PTPN3: variants seen among roughly 807,000 people sequenced by gnomAD.
PTPN3 encodes protein tyrosine phosphatase non-receptor type 3, also known as tyrosine-protein phosphatase non-receptor type 3.
A neutral mutation model predicts 132.7 loss-of-function variants in PTPN3; 96 were observed. The ratio of observed to expected loss-of-function variants is 0.72; its 90% CI spans 0.61 to 0.86. The LOEUF (loss-of-function observed/expected upper bound fraction) is 0.86. Ranked by LOEUF, PTPN3 falls within the 40% of genes least tolerant of loss-of-function variation. The probability of loss-of-function intolerance (pLI) is 0.00; values close to 1 mark genes in which losing one functional copy is unlikely to be tolerated. For synonymous variants in PTPN3, 398 were observed against 429.0 expected, an observed-to-expected ratio of 0.93 and a Z score of 0.89; for missense variants, 1,125 against 1,159.6, an observed-to-expected ratio of 0.97 and a Z score of 0.43.
At chr9:109,394,250 A>G (rs1310686782) in intron 19 of PTPN3, among the ~76,000 whole-genome samples, 1 of 152,248 alleles carries the variant, frequency 6.6e-6, no homozygotes, top group Non-Finnish European at 1.5e-5. Context: ...TGGGAAAAAG[A>G]GATTTTTTTT....
chr9:109,493,875 G>A (rs1001522104), intron 1 of PTPN3, among the ~76,000 whole-genome samples: 1 of 152,206 alleles, frequency 6.6e-6, no homozygotes, highest in Non-Finnish European at 1.5e-5. Context: ...CCACCTACTT[G>A]TACCTGGGAG....
intron 9 of PTPN3, among the ~76,000 whole-genome samples, chr9:109,436,340 T>C (rs1485533316): frequency 2.0e-5 from 3 of 152,230 alleles, no homozygotes; most frequent in African/African-American, 7.2e-5. Flanking sequence ...CATATGGAAC[T>C]CATGGTATTA....
chr9:109,468,037 G>A (rs1287578185), intron 1 of PTPN3, among the ~76,000 whole-genome samples: 1 of 152,210 alleles, frequency 6.6e-6, no homozygotes, highest in African/African-American at 2.4e-5. Context: ...GAGCCATGTG[G>A]TATTTTCAGA....
At chr9:109,408,759 G>T (rs1841780025) in intron 16 of PTPN3, among the ~76,000 whole-genome samples, 1 of 126,778 alleles carries the variant, frequency 7.9e-6, no homozygotes, top group Non-Finnish European at 1.6e-5. Context: ...TTGTGCACAT[G>T]TACCCTAGAA....
intron 22 of PTPN3, among the ~76,000 whole-genome samples, chr9:109,384,445 G>A (rs1254959431): frequency 1.3e-5 from 2 of 152,184 alleles, no homozygotes; most frequent in African/African-American, 4.8e-5. Context: ...TCACAGTGAT[G>A]CAGTCCAGCA....
the PTPN3 span, chr9:109,534,307 T>C: frequency 6.5e-7 from 1 of 1,528,428 alleles, no homozygotes; most frequent in South Asian, 1.2e-5. Flanking sequence ...GGCGGGCGGC[T>C]GCTGGGTCTC....
intron 19 of PTPN3, among the ~76,000 whole-genome samples, chr9:109,394,711 AAC>A (rs879439264): frequency 2.6e-5 from 4 of 152,244 alleles, no homozygotes; most frequent in Non-Finnish European, 5.9e-5. Context: ...ATATAGTAGC[AAC>A]ACACACAGTG....
chr9:109,388,217 C>T (rs887276946), intron 22 of PTPN3, among the ~76,000 whole-genome samples: 11 of 152,082 alleles, frequency 7.2e-5, no homozygotes, highest in African/African-American at 2.4e-4. Context: ...GTGATGTGGA[C>T]GGGTTAGGGC....
chr9:109,513,449 C>A, the PTPN3 span, among the ~76,000 whole-genome samples: 1 of 152,190 alleles, frequency 6.6e-6, no homozygotes, highest in Non-Finnish European at 1.5e-5. Flanking sequence ...AGACATTTAT[C>A]CTGTTCCCCC....
chr9:109,452,923 T>C (rs553426151), intron 5 of PTPN3, among the ~76,000 whole-genome samples: 3 of 152,176 alleles, frequency 2.0e-5, no homozygotes, highest in East Asian at 3.9e-4. Context: ...TCAAACACAT[T>C]CTTATAGATT....
At chr9:109,498,682 T>G (rs1214027273), upstream of PTPN3, among the ~76,000 whole-genome samples, 1 of 152,178 alleles carries the variant, frequency 6.6e-6, no homozygotes, top group East Asian at 1.9e-4. The surrounding 1 kb of genome is among the most constrained non-coding windows in gnomAD (Gnocchi z 4.2). Flanking sequence ...TCCAGTCCAG[T>G]GCTCGTCCCT....
intron 9 of PTPN3, among the ~76,000 whole-genome samples, chr9:109,436,061 G>T (rs1252323743): frequency 3.9e-5 from 6 of 152,210 alleles, no homozygotes; most frequent in African/African-American, 1.2e-4. Context: ...ATTTCACAAG[G>T]TTTCTATGAT....
At chr9:109,502,964 A>G (rs1847878591), upstream of PTPN3, among the ~76,000 whole-genome samples, 1 of 152,238 alleles carries the variant, frequency 6.6e-6, no homozygotes, top group Non-Finnish European at 1.5e-5. Flanking sequence ...GGCAGGCTAC[A>G]GAAGTTATCT....
chr9:109,469,477 G>C (rs1020729661), intron 1 of PTPN3, among the ~76,000 whole-genome samples: 2 of 152,124 alleles, frequency 1.3e-5, no homozygotes, highest in African/African-American at 4.8e-5. Context: ...AAATTAGCTG[G>C]GTGTGGTGGG....
chr9:109,521,719 C>T, the PTPN3 span, among the ~76,000 whole-genome samples: 1 of 152,202 alleles, frequency 6.6e-6, no homozygotes, highest in African/African-American at 2.4e-5. Flanking sequence ...TTGTCTTTCC[C>T]ACTAGACTTG....
chr9:109,449,965 A>G (rs1588447416), intron 5 of PTPN3: 4 of 985,268 alleles, frequency 4.1e-6, no homozygotes, highest in Non-Finnish European at 4.8e-6. Context: ...TCTCAGCCTC[A>G]TAACTCTGTA....
intron 1 of PTPN3, among the ~76,000 whole-genome samples, chr9:109,497,829 C>T (rs1405648869): frequency 1.3e-5 from 2 of 151,890 alleles, no homozygotes; most frequent in African/African-American, 4.8e-5. Context: ...TGTGTGCCCC[C>T]TCGGAGCCCC....
Position 109,456,837 on chromosome 9 carries a change from G to A in PTPN3, c.289+336C>T, listed in dbSNP as rs1564460160. Among the ~76,000 whole-genome samples the A allele has an allele frequency of 5.0e-5, 5 of 99,496 alleles. No individual in the cohort carries two copies. In the South Asian group the frequency reaches 1.2e-3, roughly 24 times the overall value. 65.3% of individuals were successfully genotyped at this position (99,496 alleles called of 152,430 possible). On this transcript the variant is annotated intron_variant, in intron 4 of 25. Transcript: ENST00000374541. ...GGTGTTTGTGTTTGTCTATCTCCCT[G>A]TCTCTCTTGTCCACCCTGGCTCTCA...
At chr9:109,428,730 G>T (rs1231726630) in intron 10 of PTPN3, 46 bp from the exon 11 acceptor site, 1 of 1,584,386 alleles carries the variant, frequency 6.3e-7, no homozygotes, top group East Asian at 2.3e-5. Flanking sequence ...TCAGGGATCG[G>T]CCAGGTTGAA....
Sources: allele counts gnomAD v4.1 joint callset (sites outside exome capture counted in the v4.1 genomes callset), GRCh38; gene constraint gnomAD v4.1.1; non-coding constraint Gnocchi (gnomAD v3.1); transcripts MANE v1.5; gene names NCBI Gene and HGNC (gene_info 2026-07-23, HGNC 2026-07-21).